The following ZNF875 variants were observed in gnomAD, a reference collection of about 807,000 sequenced individuals.
ZNF875 encodes the protein zinc finger protein 875.
In ZNF875, 14 loss-of-function variants were observed where a neutral mutation model predicts 11.2. The ratio of observed to expected loss-of-function variants is 1.26; its 90% confidence interval spans 0.83 to 1.96. The LOEUF is 1.96. Among genes scored for constraint, ZNF875 ranks in the 30% most tolerant of loss-of-function variants. The pLI is 0.00. For synonymous variants in ZNF875, 301 were observed against 281.1 expected (o/e 1.07, Z -0.71); for missense variants, 752 against 760.4 (o/e 0.99, Z 0.13).
chr19:37,344,994 A>G lies in ZNF875; in HGVS notation c.34-2196A>G, dbSNP rs1600090058. The G allele has an allele frequency of 1.0e-5, 5 of 483,106 alleles. No homozygotes were observed. The East Asian group carries it at 1.8e-4, about 18-fold the overall frequency. 29.9% of individuals were successfully genotyped at this position (483,106 alleles called of 1,614,324 possible). A position where few individuals can be genotyped will look rare whatever the true frequency, so the allele number is the denominator to read the frequency against. The stretch of plus-strand genomic sequence containing the variant: ...AACCAGGAAGCCTTGTACATTGAAC[A>G]CTCACATACCCATCACCTAGATTCT... On this transcript the variant is annotated intron_variant, in intron 2 of 4. Coordinates refer to ENST00000392153, the MANE Select transcript of ZNF875 (RefSeq NM_001353803.2).
chr19:37,324,431 T>G (rs1338586251), intron 4 of ZNF875, among the ~76,000 whole-genome samples: 2 of 152,222 alleles, frequency 1.3e-5, no homozygotes, highest in African/African-American at 2.4e-5. Flanking sequence ...GTCTGGTTTT[T>G]TTAAAATTAC....
At chr19:37,344,270 T>C (rs1235102236) in intron 2 of ZNF875, among the ~76,000 whole-genome samples, 2 of 152,220 alleles carry the variant, frequency 1.3e-5, no homozygotes, top group South Asian at 2.1e-4. Flanking sequence ...TGTTAAACTT[T>C]AGTGTGCATC....
intron 4 of ZNF875, among the ~76,000 whole-genome samples, chr19:37,326,799 C>T (rs2032534342): frequency 6.6e-6 from 1 of 151,280 alleles, no homozygotes; most frequent in African/African-American, 2.4e-5. Context: ...TCCCGAGTAC[C>T]CGGGATTACA....
chr19:37,361,481 C>CCTTT (rs887731398), intron 4 of ZNF875, among the ~76,000 whole-genome samples: 1 of 152,076 alleles, frequency 6.6e-6, no homozygotes, highest in African/African-American at 2.4e-5. Context: ...CTTCTTCCTT[C>CCTTT]CTTTCTCTTT....
At chr19:37,321,666 G>C (rs1345440940) in intron 1 of ZNF875, among the ~76,000 whole-genome samples, 1 of 152,138 alleles carries the variant, frequency 6.6e-6, no homozygotes, top group Non-Finnish European at 1.5e-5. Flanking sequence ...GTGTGGAGGG[G>C]CAGGCCATCC....
At chr19:37,348,850 G>A (rs1249774917) in intron 4 of ZNF875, among the ~76,000 whole-genome samples, 1 of 152,120 alleles carries the variant, frequency 6.6e-6, no homozygotes, top group Admixed American at 6.5e-5. Flanking sequence ...AGTCTGACAA[G>A]GTAATGCCAA....
At chr19:37,320,451 T>C (rs2031188285) in intron 1 of ZNF875, among the ~76,000 whole-genome samples, 1 of 152,238 alleles carries the variant, frequency 6.6e-6, no homozygotes, top group South Asian at 2.1e-4. Context: ...TGCTACTTGC[T>C]ATTGTTACTT....
chr19:37,362,279 C>G lies in ZNF875; in HGVS notation c.427C>G (p.Gln143Glu). ...KHYPEDQKQQ[Q>E]DPFCFSGKAE... ...CTATCCAGAAGATCAGAAACAACAG[C>G]AGGATCCATTCTGCTTTAGTGGCAA... Residue 143 changes from glutamine (Q) to glutamate (E), a missense_variant, in exon 5 of 5, where the codon CAG (glutamine) becomes GAG (glutamate). Gln to Glu is a conservative substitution (Grantham distance 29, BLOSUM62 2). Transcript: ENST00000392153. The G allele has an allele frequency of 6.2e-7, 1 of 1,614,176 alleles. No individual in the cohort carries two copies. Among genetic ancestry groups the G allele is most frequent in the Non-Finnish European group, 8.5e-7 (1 of 1,180,020 alleles).
Position 37,362,693 on chromosome 19 carries a change from C to G in ZNF875, c.841C>G (p.Pro281Ala). 6.2e-7 allele frequency: 1 copy of G among 1,613,276 alleles called. No individual in the cohort carries two copies. Among genetic ancestry groups the G allele is most frequent in the Non-Finnish European group, 8.5e-7 (1 of 1,179,580 alleles). ...CCCAAGGACACACTCTGGGGGAAAG[C>G]CTTATGTGTGCAGGGAATGTGGGCG... ...KNPRTHSGGK[P>A]YVCRECGRGF... The change falls in exon 5 of 5, where the codon CCT becomes GCT. Residue 281 changes from proline (P) to alanine (A), a missense_variant. Physicochemically the swap from Pro to Ala is conservative, Grantham distance 27. Coordinates refer to ENST00000392153, the MANE Select transcript of ZNF875 (RefSeq NM_001353803.2).
intron 4 of ZNF875, among the ~76,000 whole-genome samples, chr19:37,350,650 A>G (rs929312104): frequency 2.0e-5 from 3 of 152,004 alleles, no homozygotes; most frequent in African/African-American, 2.4e-5. Context: ...AAATTTCATT[A>G]CATAAATAAG....
chr19:37,353,144 G>A (rs1025215332), intron 4 of ZNF875, among the ~76,000 whole-genome samples: 9 of 152,142 alleles, frequency 5.9e-5, no homozygotes, highest in Non-Finnish European at 1.2e-4. Flanking sequence ...AAAGTGTTCA[G>A]ATTACAGGCG....
Position 37,334,721 on chromosome 19 carries a change from A to G in ZNF875, c.-118A>G. The G allele has an allele frequency of 2.2e-6, 1 of 456,076 alleles. No homozygotes were observed. Among genetic ancestry groups the G allele is most frequent in the South Asian group, 1.5e-5 (1 of 64,560 alleles). 28.3% of individuals were successfully genotyped at this position (456,076 alleles called of 1,614,324 possible). A position where few individuals can be genotyped will look rare whatever the true frequency, so the allele number is the denominator to read the frequency against. On this transcript the variant is annotated 5_prime_UTR_variant, in exon 1 of 5. Coordinates refer to ENST00000392153, the MANE Select transcript of ZNF875 (RefSeq NM_001353803.2). ...AGGCCTCCCTCTTAAGGTCTTTCCC[A>G]CACCTCTGCACCTTGTTACCTGACT...
At chr19:37,359,092 G>A (rs937362183) in intron 4 of ZNF875, among the ~76,000 whole-genome samples, 1 of 151,194 alleles carries the variant, frequency 6.6e-6, no homozygotes, top group African/African-American at 2.4e-5. Flanking sequence ...TAAAGACAGG[G>A]TTTCTCCATG....
intron 1 of ZNF875, among the ~76,000 whole-genome samples, chr19:37,321,242 G>A (rs7259638): frequency 0.039 from 5,939 of 152,148 alleles, 304 homozygotes; most frequent in African/African-American, 0.11. Flanking sequence ...TAAAAGAGGA[G>A]GGCCTCTGCA....
Position 37,362,413 on chromosome 19 carries a change from A to C in ZNF875, c.561A>C (p.Ala187=), listed in dbSNP as rs779469210. The change falls in exon 5 of 5, where the codon GCA becomes GCC. Residue 187 remains alanine (A), a synonymous_variant. Coordinates refer to ENST00000392153, the MANE Select transcript of ZNF875 (RefSeq NM_001353803.2). ...LSSPPEEQQP[A]QSKEDNTVVD... is the part of the protein sequence containing the mutation. Reference sequence around the variant, plus strand: ...GCCCACCTGAAGAACAACAGCCAGCACAGTCCAAGGAAGACAACACAGTGG... The same window carrying C: ...GCCCACCTGAAGAACAACAGCCAGCCCAGTCCAAGGAAGACAACACAGTGG... 6.2e-7 allele frequency: 1 copy of C among 1,614,194 alleles called. No homozygotes were observed. The highest frequency in any genetic ancestry group is 2.2e-5 in the East Asian group (1 of 44,884).
At chr19:37,341,485 T>G (rs533791392) in intron 2 of ZNF875, among the ~76,000 whole-genome samples, 2 of 152,294 alleles carry the variant, frequency 1.3e-5, no homozygotes, top group Admixed American at 6.5e-5. Flanking sequence ...CTTGGGTTTC[T>G]CTATGCAGGA....
At chr19:37,327,489 C>T (rs1599891877) in intron 4 of ZNF875, among the ~76,000 whole-genome samples, 1 of 151,780 alleles carries the variant, frequency 6.6e-6, no homozygotes, top group South Asian at 2.1e-4. Flanking sequence ...TATTCAGGGG[C>T]AGGCATAGTG....
intron 1 of ZNF875, among the ~76,000 whole-genome samples, chr19:37,320,960 G>A (rs1189075926): frequency 6.6e-6 from 1 of 152,222 alleles, no homozygotes; most frequent in Non-Finnish European, 1.5e-5. Context: ...GTTGGCTCAA[G>A]GTTTAATGGA....
intron 2 of ZNF875, chr19:37,337,683 T>TC (rs1355963070): frequency 6.6e-6 from 1 of 152,150 alleles, no homozygotes; most frequent in African/African-American, 2.4e-5. Context: ...GACCTGGTGG[T>TC]CCGCCTGCCT....
Sources: gnomAD v4.1 joint callset for allele counts (sites outside exome capture counted in the v4.1 genomes callset) on GRCh38, gnomAD v4.1.1 for gene constraint, MANE v1.5 for transcripts, NCBI Gene and HGNC (gene_info 2026-07-23, HGNC 2026-07-21) for gene names.